The following NCOR1 variants were observed in gnomAD, a reference collection of about 807,000 sequenced individuals.
The protein encoded by NCOR1 is nuclear receptor corepressor 1.
In NCOR1, 63 loss-of-function variants were observed where a neutral mutation model predicts 288.1. The observed-to-expected ratio is 0.22, with a 90% CI of 0.18 to 0.27. The LOEUF is 0.27. Among genes scored for constraint, NCOR1 ranks in the 10% least tolerant of loss-of-function variants. NCOR1 has a pLI of 1.00. For missense variants in NCOR1, 2,397 were observed against 3,019.2 expected (o/e 0.79, Z 4.83); for synonymous variants, 1,007 against 1,065.9 (o/e 0.94, Z 1.08).
rs141058639 is a variant in NCOR1 at position 16,052,031 on chromosome 17, T to C, written c.6393-3043A>G. 1.7e-4 allele frequency among the ~76,000 whole-genome samples: 26 copies of C among 152,244 alleles called. 1 individual carries two copies. In the East Asian group the frequency reaches 4.8e-3, roughly 28 times the overall value. On this transcript the variant is annotated intron_variant, in intron 40 of 45. Transcript: ENST00000268712. Reference sequence around the variant, plus strand: ...ATCTGGTTTTTGTTTTGTTTTGAGATGGAGTCTCGCTTTGTCGCCCAGGCT... The same window carrying C: ...ATCTGGTTTTTGTTTTGTTTTGAGACGGAGTCTCGCTTTGTCGCCCAGGCT...
At chr17:16,118,074 C>A (rs2072080626) in intron 17 of NCOR1, 47 bp from the exon 18 acceptor site, 1 of 1,564,396 alleles carries the variant, frequency 6.4e-7, no homozygotes, top group South Asian at 1.2e-5. Context: ...GTCACCTGAT[C>A]AAGCAAACAA....
At position 16,070,156 on chromosome 17, in the gene NCOR1, G is replaced by GT. The variant is rs1182465024; in HGVS notation, c.4513+8dup. ...AAAAGTATCAGACCAAGCAACAAAA[G>GT]TAACATACCATCAGAAGTTCTGTTC... is the stretch of plus-strand genomic sequence containing the variant. On this transcript the variant is annotated intron_variant, in intron 31 of 45. Transcript: ENST00000268712. 4 of 1,571,366 alleles carry GT rather than the reference G, an allele frequency of 2.5e-6. No individual in the cohort carries two copies. The highest frequency in any genetic ancestry group is 2.3e-5 in the South Asian group (2 of 86,166).
chr17:16,048,661 A>G (rs1455925038), intron 41 of NCOR1, among the ~76,000 whole-genome samples, 184 bp downstream of exon 41: 1 of 152,102 alleles, frequency 6.6e-6, no homozygotes, highest in African/African-American at 2.4e-5. Context: ...GATATTATAA[A>G]TATTTTCTTT....
intron 31 of NCOR1, among the ~76,000 whole-genome samples, chr17:16,068,609 T>C (rs761649784): frequency 1.3e-5 from 2 of 152,090 alleles, no homozygotes; most frequent in Non-Finnish European, 2.9e-5. Flanking sequence ...CCAATATCTA[T>C]CACCTCCCTA....
At chr17:16,041,422 T>C (rs1245302239) in intron 42 of NCOR1, 7 of 147,928 alleles carry the variant, frequency 4.7e-5, no homozygotes, top group African/African-American at 1.0e-4. Context: ...TTTTTTTTTT[T>C]CCTTTGAGAT....
chr17:16,098,421 T>A lies in NCOR1; in HGVS notation c.2766A>T (p.Pro922=), dbSNP rs201835362. ...GSILVSSPLK[P]NPLDLPQLQH... is the part of the protein sequence containing the mutation. ...GAAGCTGTGGCAGATCCAGTGGATT[T>A]GGTTTTAACGGAGATGAGACGAGTA... The change falls in exon 21 of 46, where the codon CCA becomes CCT. Residue 922 remains proline (P), a synonymous_variant. Transcript: ENST00000268712. 2.5e-5 allele frequency: 40 copies of A among 1,614,038 alleles called. No individual in the cohort carries two copies. The highest frequency in any genetic ancestry group is 3.4e-5 in the Non-Finnish European group (40 of 1,180,020).
At position 16,153,322 on chromosome 17, in the gene NCOR1, T is replaced by G; in HGVS notation, c.789+17A>C. On this transcript the variant is annotated intron_variant, in intron 7 of 45. Coordinates refer to ENST00000268712, the MANE Select transcript of NCOR1 (RefSeq NM_006311.4). ...AATTAAAAAAAAAAATCACTGGAAA[T>G]GAAAAAATTTACTTACCAGTTCAAC... 5 of 1,545,114 alleles carry G rather than the reference T, an allele frequency of 3.2e-6. No homozygotes were observed. The highest frequency in any genetic ancestry group is 4.4e-6 in the Non-Finnish European group (5 of 1,138,412).
intron 9 of NCOR1, among the ~76,000 whole-genome samples, chr17:16,148,321 TC>T (rs1242318520): frequency 6.6e-6 from 1 of 152,112 alleles, no homozygotes; most frequent in Non-Finnish European, 1.5e-5. Flanking sequence ...CCCTGAAATG[TC>T]CCCTCATAAT....
intron 40 of NCOR1, among the ~76,000 whole-genome samples, chr17:16,056,434 C>G (rs1283855468): frequency 6.8e-6 from 1 of 148,004 alleles, no homozygotes; most frequent in Non-Finnish European, 1.5e-5. Flanking sequence ...GCCTCAGTGT[C>G]CTGAGTAGCT....
Position 16,146,498 on chromosome 17 carries a change from T to C in NCOR1, c.960A>G (p.Lys320=), listed in dbSNP as rs1296003150. ...GATTATTTTCTATTCTGTCCACTTT[T>C]TTCTCCCATGCCTCCATGAGCTGAT... ...RYDQLMEAWE[K]KVDRIENNPR... Residue 320 remains lysine, a synonymous_variant, in exon 10 of 46, where the codon AAA becomes AAG. Transcript: ENST00000268712. The C allele has an allele frequency of 6.2e-7, 1 of 1,613,474 alleles. No individual in the cohort carries two copies. The highest frequency in any genetic ancestry group is 1.3e-5 in the African/African-American group (1 of 74,914).
intron 21 of NCOR1, among the ~76,000 whole-genome samples, chr17:16,092,679 ATATATATATATATATATTTTTT>A (rs1567958996): frequency 1.6e-4 from 3 of 18,680 alleles, no homozygotes; most frequent in African/African-American, 8.6e-4. Context: ...ATATATATAT[ATATATATATATATATATTTTTT>A]TTTTTTTTTT....
At chr17:16,138,058 A>T (rs1037888794) in intron 13 of NCOR1, 100 bp downstream of exon 13, 2 of 882,040 alleles carry the variant, frequency 2.3e-6, no homozygotes, top group African/African-American at 3.4e-5. Context: ...TCTTTTTAAA[A>T]TCGGTTCTAG....
At chr17:16,154,802 T>C (rs1030540921) in intron 6 of NCOR1, among the ~76,000 whole-genome samples, 5 of 152,042 alleles carry the variant, frequency 3.3e-5, no homozygotes, top group African/African-American at 1.2e-4. Context: ...ACTCAATAAC[T>C]ATGTGGGAGA....
chr17:16,209,877 A>G (rs796538892), intron 1 of NCOR1, among the ~76,000 whole-genome samples: 1 of 151,962 alleles, frequency 6.6e-6, no homozygotes, highest in Non-Finnish European at 1.5e-5. Flanking sequence ...CTTGAACCTG[A>G]GAAGTGGAGG....
At chr17:16,038,773 GTGTA>G (rs769173086) in intron 44 of NCOR1, among the ~76,000 whole-genome samples, 1 of 151,630 alleles carries the variant, frequency 6.6e-6, no homozygotes, top group African/African-American at 2.4e-5. Context: ...GTGTGTGTCT[GTGTA>G]TGTATGTATT....
At chr17:16,202,861 T>C (rs2091015332) in intron 1 of NCOR1, among the ~76,000 whole-genome samples, 1 of 152,170 alleles carries the variant, frequency 6.6e-6, no homozygotes, top group Non-Finnish European at 1.5e-5. Flanking sequence ...CCATAAATCT[T>C]AAAGTCAAAT....
At chr17:16,152,714 T>C (rs2079072517) in intron 7 of NCOR1, among the ~76,000 whole-genome samples, 1 of 152,218 alleles carries the variant, frequency 6.6e-6, no homozygotes, top group Non-Finnish European at 1.5e-5. Flanking sequence ...TTCTAGATCC[T>C]TGAGGAATTG....
intron 2 of NCOR1, among the ~76,000 whole-genome samples, chr17:16,187,900 T>TAA (rs75372492): frequency 4.8e-4 from 59 of 123,144 alleles, no homozygotes; most frequent in Middle Eastern, 4.0e-3. Flanking sequence ...ACACCATCTT[T>TAA]AAAAAAAAAA....
intron 35 of NCOR1, 81 bp downstream of exon 35, chr17:16,063,987 T>A: frequency 7.0e-7 from 1 of 1,437,550 alleles, no homozygotes; most frequent in Non-Finnish European, 9.2e-7. Context: ...CCATCAAAAC[T>A]TTTTGTGCGC....
Sources: allele counts gnomAD v4.1 joint callset (sites outside exome capture counted in the v4.1 genomes callset), GRCh38; gene constraint gnomAD v4.1.1; transcripts MANE v1.5; gene names NCBI Gene and HGNC (gene_info 2026-07-23, HGNC 2026-07-21).